The following UNC5D variants were observed in gnomAD, a reference collection of about 807,000 sequenced individuals.
The protein encoded by UNC5D is unc-5 netrin receptor D.
UNC5D carries 39 observed loss-of-function variants against 105.4 expected under a neutral mutation model. The observed-to-expected ratio is 0.37, with a 90% CI of 0.29 to 0.48. The LOEUF is 0.48. Ranked by LOEUF, UNC5D falls within the 20% of genes least tolerant of loss-of-function variation. The pLI is 0.98. For missense variants in UNC5D, 991 were observed against 1,202.4 expected (o/e 0.82, Z 2.60); for synonymous variants, 452 against 450.4 (o/e 1.00, Z -0.04).
At chr8:35,275,390 A>G (rs934023264) in intron 1 of UNC5D, among the ~76,000 whole-genome samples, 1 of 152,108 alleles carries the variant, frequency 6.6e-6, no homozygotes, top group African/African-American at 2.4e-5. Context: ...GTGTTGAAAA[A>G]AAATTCCATA....
At chr8:35,728,095 A>AAAATATATATAT (rs34672872) in intron 10 of UNC5D, among the ~76,000 whole-genome samples, 3 of 110,362 alleles carry the variant, frequency 2.7e-5, no homozygotes, top group African/African-American at 1.6e-4. Flanking sequence ...AAAAAAAAAA[A>AAAATATATATAT]ATATATATAT....
At chr8:35,378,243 C>A (rs1386838468) in intron 1 of UNC5D, among the ~76,000 whole-genome samples, 1 of 152,094 alleles carries the variant, frequency 6.6e-6, no homozygotes, top group Non-Finnish European at 1.5e-5. Flanking sequence ...ATACAAAGTA[C>A]CTTATAAATG....
intron 1 of UNC5D, among the ~76,000 whole-genome samples, chr8:35,283,072 A>G (rs1351327995): frequency 6.6e-6 from 1 of 152,168 alleles, no homozygotes; most frequent in Non-Finnish European, 1.5e-5. Flanking sequence ...TTGGTAATTT[A>G]ATGCTCTTGG....
At chr8:35,688,685 T>C (rs541893767) in intron 7 of UNC5D, among the ~76,000 whole-genome samples, 1 of 152,290 alleles carries the variant, frequency 6.6e-6, no homozygotes, top group East Asian at 1.9e-4. Context: ...ACAAGCTCAA[T>C]AGAAGGATAT....
chr8:35,426,119 A>G lies in UNC5D; in HGVS notation c.104-123173A>G, dbSNP rs558807371. Reference sequence around the variant, plus strand: ...TGTAAATTCTACCCTTTGAAACTACATAGGATACCGAGACATAAGAACTCT... The same window carrying G: ...TGTAAATTCTACCCTTTGAAACTACGTAGGATACCGAGACATAAGAACTCT... On this transcript the variant is annotated intron_variant, in intron 1 of 16. Transcript: ENST00000404895. Among the ~76,000 whole-genome samples the G allele has an allele frequency of 9.8e-5, 15 of 152,326 alleles. No individual in the cohort carries two copies. The South Asian group carries it at 1.0e-3, about 11-fold the overall frequency.
intron 1 of UNC5D, among the ~76,000 whole-genome samples, chr8:35,446,147 T>G (rs1807775853): frequency 6.6e-6 from 1 of 151,936 alleles, no homozygotes; most frequent in Admixed American, 6.6e-5. Flanking sequence ...AGCCTTTTAC[T>G]CCTCACCCCC....
intron 15 of UNC5D, among the ~76,000 whole-genome samples, chr8:35,770,048 G>A (rs1381189453): frequency 6.6e-6 from 1 of 152,274 alleles, no homozygotes; most frequent in Non-Finnish European, 1.5e-5. Context: ...AAAAAGTGCT[G>A]AGAAATTGGG....
At chr8:35,275,359 T>C (rs982600988) in intron 1 of UNC5D, among the ~76,000 whole-genome samples, 3 of 151,978 alleles carry the variant, frequency 2.0e-5, no homozygotes, top group Non-Finnish European at 4.4e-5. Flanking sequence ...TAAATTAATG[T>C]GTCCTAATGT....
chr8:35,322,911 T>C (rs116704229), intron 1 of UNC5D, among the ~76,000 whole-genome samples: 192 of 152,284 alleles, frequency 1.3e-3, no homozygotes, highest in African/African-American at 4.2e-3. Flanking sequence ...ACATAATATC[T>C]AGTTAGAGCA....
At chr8:35,754,257 C>T (rs1248175416) in intron 13 of UNC5D, among the ~76,000 whole-genome samples, 1 of 152,106 alleles carries the variant, frequency 6.6e-6, no homozygotes, top group East Asian at 1.9e-4. Flanking sequence ...AATCAGTAAG[C>T]AGTTTTTCAT....
At chr8:35,347,332 C>T (rs1454003310) in intron 1 of UNC5D, among the ~76,000 whole-genome samples, 3 of 151,802 alleles carry the variant, frequency 2.0e-5, no homozygotes, top group Non-Finnish European at 2.9e-5. Flanking sequence ...TATAGCCCAA[C>T]CAAACTTTCT....
intron 1 of UNC5D, among the ~76,000 whole-genome samples, chr8:35,511,779 G>A (rs1054014789): frequency 6.6e-6 from 1 of 151,948 alleles, no homozygotes; most frequent in African/African-American, 2.4e-5. Context: ...GAAAGTTTAT[G>A]AATTTGTGTT....
At chr8:35,676,279 G>A (rs1007685320) in intron 4 of UNC5D, among the ~76,000 whole-genome samples, 13 of 152,140 alleles carry the variant, frequency 8.5e-5, no homozygotes, top group African/African-American at 1.2e-4. Context: ...GAATGCTGGC[G>A]TTCTGAAAAT....
intron 1 of UNC5D, among the ~76,000 whole-genome samples, chr8:35,507,312 C>T (rs1028989630): frequency 6.6e-6 from 1 of 152,096 alleles, no homozygotes; most frequent in African/African-American, 2.4e-5. Context: ...GCCTCGGCCT[C>T]CCAAAGTGCT....
intron 16 of UNC5D, among the ~76,000 whole-genome samples, chr8:35,778,934 G>A (rs1802378922): frequency 6.6e-6 from 1 of 152,218 alleles, no homozygotes. Flanking sequence ...AATGTCAGGA[G>A]TGTGTGCTGT....
chr8:35,388,011 G>T (rs1030172555), intron 1 of UNC5D, among the ~76,000 whole-genome samples: 1 of 152,096 alleles, frequency 6.6e-6, no homozygotes, highest in Non-Finnish European at 1.5e-5. Context: ...AAAAGGCCAA[G>T]AATGGGATAA....
At chr8:35,286,254 T>G (rs11993717) in intron 1 of UNC5D, among the ~76,000 whole-genome samples, 67,952 of 151,980 alleles carry the variant, frequency 0.45, 15,610 homozygotes, top group East Asian at 0.7. Context: ...TGTTTAACTT[T>G]ACTCACCTCA....
intron 1 of UNC5D, among the ~76,000 whole-genome samples, chr8:35,538,422 TATATA>T (rs1294704320): frequency 1.1e-5 from 1 of 90,468 alleles, no homozygotes; most frequent in African/African-American, 5.0e-5. Context: ...TATATATATA[TATATA>T]TATATATATA....
intron 1 of UNC5D, among the ~76,000 whole-genome samples, chr8:35,331,257 T>G (rs1255400257): frequency 2.0e-5 from 3 of 152,150 alleles, no homozygotes; most frequent in Non-Finnish European, 4.4e-5. Flanking sequence ...GTCCAGTGGT[T>G]CGATAAAAAT....
Sources: gnomAD v4.1 joint callset for allele counts (sites outside exome capture counted in the v4.1 genomes callset) on GRCh38, gnomAD v4.1.1 for gene constraint, MANE v1.5 for transcripts, NCBI Gene and HGNC (gene_info 2026-07-23, HGNC 2026-07-21) for gene names.